The following TMEM230 variants were observed in gnomAD, a reference collection of about 807,000 sequenced individuals.
TMEM230 encodes the protein UPF0414 transmembrane protein C20orf30.
TMEM230 carries 10 observed loss-of-function variants against 15.8 expected under a neutral mutation model. That is an observed-to-expected ratio of 0.63 (90% CI 0.39 to 1.07). TMEM230 has a LOEUF of 1.07. Among genes scored for constraint, TMEM230 ranks in the 50% least tolerant of loss-of-function variants. The pLI, the probability that TMEM230 is intolerant of heterozygous loss-of-function variation, is 0.01. For missense variants in TMEM230, 165 were observed against 193.3 expected, an observed-to-expected ratio of 0.85 and a Z score of 0.87; for synonymous variants, 67 against 76.9, an observed-to-expected ratio of 0.87 and a Z score of 0.68.
the TMEM230 span, chr20:5,061,194 A>G: frequency 6.6e-6 from 1 of 152,186 alleles, no homozygotes; most frequent in South Asian, 2.1e-4. Flanking sequence ...TGAATAATGC[A>G]TCATTTTCAA....
At chr20:5,109,228 TC>T in intron 3 of TMEM230, 103 bp downstream of exon 2, 1 of 854,480 alleles carries the variant, frequency 1.2e-6, no homozygotes, top group East Asian at 2.7e-5. Context: ...TGTTGCTCCT[TC>T]TAATCCCCAA....
chr20:5,078,004 T>C (rs950011657), intron 3 of TMEM230, among the ~76,000 whole-genome samples: 1 of 151,958 alleles, frequency 6.6e-6, no homozygotes, highest in Admixed American at 6.6e-5. Flanking sequence ...ACTGAGGTGA[T>C]ATTTGTATCA....
intron 3 of TMEM230, among the ~76,000 whole-genome samples, chr20:5,076,619 G>A (rs887972559): frequency 6.6e-6 from 1 of 151,722 alleles, no homozygotes; most frequent in Non-Finnish European, 1.5e-5. Context: ...TATGTAACAG[G>A]CATCTATGTA....
At chr20:5,090,853 T>C (rs1337956071) in intron 3 of TMEM230, among the ~76,000 whole-genome samples, 1 of 152,138 alleles carries the variant, frequency 6.6e-6, no homozygotes, top group Non-Finnish European at 1.5e-5. Flanking sequence ...TAAGGCCTAA[T>C]ACTGAACAAT....
At chr20:5,060,050 G>A in the TMEM230 span, among the ~76,000 whole-genome samples, 1 of 152,098 alleles carries the variant, frequency 6.6e-6, no homozygotes, top group African/African-American at 2.4e-5. Context: ...GGGATTACAG[G>A]CATGAGCTAC....
intron 3 of TMEM230, among the ~76,000 whole-genome samples, chr20:5,107,428 A>G (rs1302075389): frequency 1.3e-5 from 2 of 152,106 alleles, no homozygotes; most frequent in Admixed American, 1.3e-4. Context: ...ATGAAGCTCT[A>G]GTTATTGCTC....
downstream of TMEM230, among the ~76,000 whole-genome samples, chr20:5,063,363 C>T (rs1202518477): frequency 7.2e-6 from 1 of 139,486 alleles, no homozygotes; most frequent in East Asian, 2.3e-4. Flanking sequence ...TCTCATCTCA[C>T]TGCAACTTCT....
intron 3 of TMEM230, among the ~76,000 whole-genome samples, chr20:5,078,691 C>T (rs755843963): frequency 6.6e-6 from 1 of 152,212 alleles, no homozygotes. Context: ...TGCTTGAACT[C>T]ACATTTCCTC....
chr20:5,083,083 A>G (rs1026675428), intron 3 of TMEM230, among the ~76,000 whole-genome samples: 1 of 151,682 alleles, frequency 6.6e-6, no homozygotes, highest in Non-Finnish European at 1.5e-5. Context: ...GTGCACCACC[A>G]CAACTGGCTA....
chr20:5,110,706 C>T (rs952273700), intron 2 of TMEM230, among the ~76,000 whole-genome samples: 1 of 151,534 alleles, frequency 6.6e-6, no homozygotes, highest in South Asian at 2.1e-4. Context: ...CCTTAAGAAA[C>T]GGAATATGGT....
chr20:5,091,727 A>ATACC (rs3056087), intron 3 of TMEM230, among the ~76,000 whole-genome samples: 81,786 of 151,568 alleles, frequency 0.54, 22,543 homozygotes, highest in East Asian at 0.84. Flanking sequence ...TTCCTTTTTG[A>ATACC]TACCTACCAA....
intron 3 of TMEM230, among the ~76,000 whole-genome samples, chr20:5,088,003 T>TTAA (rs377733310): frequency 7.1e-5 from 8 of 113,458 alleles, no homozygotes; most frequent in African/African-American, 1.6e-4. Flanking sequence ...AGGATATACC[T>TTAA]AAAAAAAAAA....
intron 3 of TMEM230, among the ~76,000 whole-genome samples, chr20:5,091,740 C>G (rs2089512963): frequency 6.8e-6 from 1 of 146,944 alleles, no homozygotes; most frequent in South Asian, 2.2e-4. Flanking sequence ...CCTACCAAAG[C>G]TATGTCCGTA....
intron 3 of TMEM230, among the ~76,000 whole-genome samples, chr20:5,090,354 T>G (rs1283769615): frequency 6.6e-6 from 1 of 152,004 alleles, no homozygotes; most frequent in Non-Finnish European, 1.5e-5. Flanking sequence ...CTGAAGACAA[T>G]TCTACAAGCA....
At chr20:5,076,914 G>T (rs1471422288) in intron 3 of TMEM230, among the ~76,000 whole-genome samples, 1 of 151,582 alleles carries the variant, frequency 6.6e-6, no homozygotes, top group Non-Finnish European at 1.5e-5. Context: ...CTGACCTCAG[G>T]TGATCCACCC....
intron 1 of TMEM230, chr20:5,112,631 C>A (rs536348844): frequency 4.0e-6 from 5 of 1,246,854 alleles, no homozygotes; most frequent in Non-Finnish European, 5.1e-6. Flanking sequence ...CAGCTCACCG[C>A]TACCCCCAAA....
At chr20:5,099,212 AAATAAATAAATAAATAAATAAATCAATC>A (rs1317561912), downstream of TMEM230, among the ~76,000 whole-genome samples, 6 of 81,994 alleles carry the variant, frequency 7.3e-5, no homozygotes, top group African/African-American at 3.5e-4. Flanking sequence ...ATAAATAAAT[AAATAAATAAATAAATAAATAAATCAATC>A]AATCAATAAT....
chr20:5,063,347 G>T (rs1267240819), downstream of TMEM230, among the ~76,000 whole-genome samples: 1 of 137,168 alleles, frequency 7.3e-6, no homozygotes, highest in Non-Finnish European at 1.5e-5. Flanking sequence ...GAGTGCAATG[G>T]CGTGATCTCA....
intron 4 of TMEM230, among the ~76,000 whole-genome samples, chr20:5,102,146 A>T (rs1283854085): frequency 1.3e-5 from 2 of 152,224 alleles, no homozygotes; most frequent in East Asian, 3.8e-4. Context: ...GGAACTATGG[A>T]AGTTTACTGT....
Sources: gnomAD v4.1 joint callset for allele counts (sites outside exome capture counted in the v4.1 genomes callset) on GRCh38, gnomAD v4.1.1 for gene constraint, MANE v1.5 for transcripts, NCBI Gene and HGNC (gene_info 2026-07-23, HGNC 2026-07-21) for gene names.